The following MTMR7 variants were observed in gnomAD, a reference collection of about 807,000 sequenced individuals.
The protein encoded by MTMR7 is phosphatidylinositol-3-phosphate phosphatase MTMR7.
A neutral mutation model predicts 81.2 loss-of-function variants in MTMR7; 76 were observed. The ratio of observed to expected loss-of-function variants is 0.94; its 90% CI spans 0.78 to 1.13. The LOEUF (loss-of-function observed/expected upper bound fraction) is 1.13. Among genes scored for constraint, MTMR7 ranks in the 50% most tolerant of loss-of-function variants. The pLI is 0.00. For synonymous variants in MTMR7, 372 were observed against 289.8 expected (o/e 1.28, Z -2.88); for missense variants, 1,044 against 820.0 (o/e 1.27, Z -3.34).
Position 17,317,349 on chromosome 8 carries a change from T to C in MTMR7, c.866-3948A>G, listed in dbSNP as rs527745311. 3.9e-5 allele frequency among the ~76,000 whole-genome samples: 6 copies of C among 152,360 alleles called. No homozygotes were observed. The East Asian group carries it at 1.2e-3, about 29-fold the overall frequency. On this transcript the variant is annotated intron_variant, in intron 7 of 13. Transcript: ENST00000180173. The stretch of plus-strand genomic sequence containing the variant: ...GCGAGTCCTTTGTCTTCGATGTTTG[T>C]AGGCCCCGGCATGGAATCTTCTGAA...
intron 13 of MTMR7, among the ~76,000 whole-genome samples, chr8:17,300,673 T>C (rs1472376350): frequency 6.6e-6 from 1 of 152,240 alleles, no homozygotes; most frequent in Non-Finnish European, 1.5e-5. Flanking sequence ...TTTTTAGTTA[T>C]ATTCACAAGG....
intron 3 of MTMR7, among the ~76,000 whole-genome samples, chr8:17,364,688 T>A (rs1001063550): frequency 1.3e-5 from 2 of 152,206 alleles, no homozygotes; most frequent in Admixed American, 6.5e-5. Context: ...TATGTTTGGC[T>A]TTTTTCACTC....
chr8:17,381,381 G>A (rs772017846), intron 1 of MTMR7, among the ~76,000 whole-genome samples: 6 of 151,988 alleles, frequency 3.9e-5, no homozygotes, highest in Non-Finnish European at 8.8e-5. Flanking sequence ...ATAAATCACC[G>A]AGAGTCAGAG....
rs1816838535 is a variant in MTMR7 at position 17,298,010 on chromosome 8, G to C, written c.*1852C>G. 6.6e-6 allele frequency: 1 copy of C among 152,006 alleles called. No homozygotes were observed. Among genetic ancestry groups the C allele is most frequent in the Admixed American group, 6.6e-5 (1 of 15,266 alleles). The allele number at this position is 152,006 out of a possible 1,614,324, so 9.4% of individuals were successfully genotyped here. ...TATTTGCTTTTCAAATAAAAGCATA[G>C]TGCTGTTTGGCATAGATACTTTGTC... On this transcript the variant is annotated 3_prime_UTR_variant, in exon 14 of 14. Coordinates refer to ENST00000180173, the MANE Select transcript of MTMR7 (RefSeq NM_004686.5).
intron 1 of MTMR7, among the ~76,000 whole-genome samples, chr8:17,412,201 A>G (rs1355768778): frequency 6.6e-6 from 1 of 152,190 alleles, no homozygotes; most frequent in African/African-American, 2.4e-5. Flanking sequence ...ATCTGCTTTT[A>G]CAAAAAGGTA....
intron 4 of MTMR7, among the ~76,000 whole-genome samples, chr8:17,351,229 T>A (rs1819719980): frequency 6.6e-6 from 1 of 152,208 alleles, no homozygotes; most frequent in Non-Finnish European, 1.5e-5. Flanking sequence ...AACTGCAAAG[T>A]TTCATGATTA....
chr8:17,400,979 G>A (rs995205694), intron 1 of MTMR7, among the ~76,000 whole-genome samples: 2 of 152,140 alleles, frequency 1.3e-5, no homozygotes, highest in African/African-American at 4.8e-5. Context: ...GGAGGCTTGG[G>A]TGTACAGAAC....
chr8:17,347,834 G>A (rs999551838), intron 5 of MTMR7, among the ~76,000 whole-genome samples: 1 of 152,092 alleles, frequency 6.6e-6, no homozygotes, highest in African/African-American at 2.4e-5. Flanking sequence ...TGAAAGGGAG[G>A]TGTCACGTGG....
At chr8:17,391,907 T>C (rs1314385112) in intron 1 of MTMR7, among the ~76,000 whole-genome samples, 1 of 152,212 alleles carries the variant, frequency 6.6e-6, no homozygotes, top group African/African-American at 2.4e-5. Context: ...GTTGGGTTTA[T>C]GTCCTGGGAA....
In MTMR7 at chr8:17,311,595, A is replaced by G; in HGVS notation, c.1017T>C (p.Ser339=). 6.2e-7 allele frequency: 1 copy of G among 1,614,150 alleles called. No homozygotes were observed. The highest frequency in any genetic ancestry group is 8.5e-7 in the Non-Finnish European group (1 of 1,180,020). The change falls in exon 9 of 14, where the codon TCT becomes TCC. Residue 339 remains serine, a synonymous_variant. Transcript: ENST00000180173. ...CCTGAGCGGTCCTGTCCCAGCCATC[A>G]GAACAGTGAACAAGCACACTTGCCC... is the stretch of plus-strand genomic sequence containing the variant. ...EEGASVLVHC[S]DGWDRTAQVC...
At chr8:17,338,747 T>A (rs2150539630) in intron 6 of MTMR7, 1 of 152,090 alleles carries the variant, frequency 6.6e-6, no homozygotes, top group African/African-American at 2.4e-5. Flanking sequence ...TTTTTTCAGT[T>A]TGAAACTTTT....
chr8:17,304,746 C>CGTGTGTGTGTGTGTGTGTGTGTGT (rs10527892), intron 11 of MTMR7, among the ~76,000 whole-genome samples: 4,861 of 147,002 alleles, frequency 0.033, 164 homozygotes, highest in African/African-American at 0.07. Flanking sequence ...GTGTTCGATT[C>CGTGTGTGTGTGTGTGTGTGTGTGT]GTGTGTGTGT....
rs561348551 is a variant in MTMR7 at position 17,382,760 on chromosome 8, G to A, written c.25-9520C>T. The stretch of plus-strand genomic sequence containing the variant: ...ATGAGAAGCTAAAAATTCAGACAGA[G>A]TCCTTTTTTTCTCAATGTTCTTCCA... On this transcript the variant is annotated intron_variant, in intron 1 of 13. Transcript: ENST00000180173. 8.5e-5 allele frequency among the ~76,000 whole-genome samples: 13 copies of A among 152,206 alleles called. No individual in the cohort carries two copies. The South Asian group carries it at 2.7e-3, about 32-fold the overall frequency.
intron 7 of MTMR7, among the ~76,000 whole-genome samples, chr8:17,328,897 G>C (rs1818839100): frequency 6.6e-6 from 1 of 152,112 alleles, no homozygotes; most frequent in African/African-American, 2.4e-5. Flanking sequence ...AAAATAGTTT[G>C]GTTGAGACTT....
intron 4 of MTMR7, among the ~76,000 whole-genome samples, chr8:17,360,424 G>A (rs1820023102): frequency 6.7e-6 from 1 of 150,126 alleles, no homozygotes; most frequent in African/African-American, 2.4e-5. Context: ...GAAAACAACT[G>A]AAGGAAAATT....
At chr8:17,361,325 C>G in intron 3 of MTMR7, 51 bp from the exon 4 acceptor site, 2 of 1,599,848 alleles carry the variant, frequency 1.3e-6, no homozygotes, top group Non-Finnish European at 1.7e-6. Context: ...AAAACCAGAG[C>G]CAAATCTCCC....
At position 17,406,580 on chromosome 8, in the gene MTMR7, G is replaced by A. The variant is rs76062809; in HGVS notation, c.24+6689C>T. Among the ~76,000 whole-genome samples the A allele has an allele frequency of 6.2e-3, 938 of 152,216 alleles. 5 individuals carry two copies. Among genetic ancestry groups the A allele is most frequent in the Non-Finnish European group, 9.4e-3 (637 of 67,996 alleles). The stretch of plus-strand genomic sequence containing the variant: ...CCACTTTGGAAAACAATTTGGCAGT[G>A]CCTTAAAATGATAACCACAAAGTTG... On this transcript the variant is annotated intron_variant, in intron 1 of 13. Transcript: ENST00000180173.
In MTMR7 at chr8:17,297,070, C is replaced by G. The variant is rs914397746; in HGVS notation, c.*2792G>C. On this transcript the variant is annotated 3_prime_UTR_variant, in exon 14 of 14. Coordinates refer to ENST00000180173, the MANE Select transcript of MTMR7 (RefSeq NM_004686.5). ...TTCTAATTTTATGGCTATATATTTT[C>G]TTCATAAAAATTGGTCACATCGGAG... 3 of 151,976 alleles carry G rather than the reference C, an allele frequency of 2.0e-5. No homozygotes were observed. The highest frequency in any genetic ancestry group is 7.3e-5 in the African/African-American group (3 of 41,374). 9.4% of individuals were successfully genotyped at this position (151,976 alleles called of 1,614,324 possible).
intron 3 of MTMR7, among the ~76,000 whole-genome samples, chr8:17,361,493 T>C (rs1478884585): frequency 6.6e-6 from 1 of 152,244 alleles, no homozygotes; most frequent in Admixed American, 6.5e-5. Context: ...AACTTGGCAG[T>C]ACCTTCTTTC....
Sources: gnomAD v4.1 joint callset for allele counts (sites outside exome capture counted in the v4.1 genomes callset) on GRCh38, gnomAD v4.1.1 for gene constraint, MANE v1.5 for transcripts, NCBI Gene and HGNC (gene_info 2026-07-23, HGNC 2026-07-21) for gene names.